CEP290: variants seen among roughly 807,000 people sequenced by gnomAD.
The protein encoded by CEP290 is centrosomal protein of 290 kDa.
In CEP290, 317 loss-of-function variants were observed where a neutral mutation model predicts 344.9. The ratio of observed to expected loss-of-function variants is 0.92; its 90% CI spans 0.84 to 1.01. CEP290 has a LOEUF of 1.01. Ranked by LOEUF, CEP290 falls within the 50% of genes least tolerant of loss-of-function variation. CEP290 has a pLI of 0.00. For missense variants in CEP290, 2,754 were observed against 2,761.4 expected, an observed-to-expected ratio of 1.00 and a Z score of 0.06; for synonymous variants, 932 against 895.8, an observed-to-expected ratio of 1.04 and a Z score of -0.72.
intron 26 of CEP290, among the ~76,000 whole-genome samples, chr12:88,098,805 C>T (rs995063392): frequency 6.6e-6 from 1 of 151,972 alleles, no homozygotes; most frequent in Non-Finnish European, 1.5e-5. Flanking sequence ...ATTTGGAATA[C>T]TATAAGATCT....
chr12:88,130,073 T>C (rs1374530803), intron 9 of CEP290, among the ~76,000 whole-genome samples, 195 bp downstream of exon 9: 1 of 152,024 alleles, frequency 6.6e-6, no homozygotes, highest in African/African-American at 2.4e-5. Flanking sequence ...TTGTTCTTAA[T>C]GACCAAGACA....
At position 88,090,772 on chromosome 12, in the gene CEP290, C is replaced by G. The variant is rs1030787885; in HGVS notation, c.3529G>C (p.Asp1177His). The G allele has an allele frequency of 1.7e-5, 26 of 1,563,198 alleles. No individual in the cohort carries two copies. The highest frequency in any genetic ancestry group is 2.3e-5 in the Non-Finnish European group (26 of 1,151,720). The part of the protein sequence containing the change: ...EILNAQQQSR[D>H]KEVESLRMQL... ...ATTCTGAGGGACTCTACTTCCTTGT[C>G]CCTAGATTGTTGTTGTGCATTCAAA... Residue 1177 changes from aspartate to histidine, a missense_variant, in exon 30 of 54, where the codon GAC (aspartate) becomes CAC (histidine). By Grantham distance (81) the Asp-to-His change is moderately conservative. Transcript: ENST00000552810.
At chr12:88,134,492 T>A (rs912865865) in intron 6 of CEP290, among the ~76,000 whole-genome samples, 14 of 152,208 alleles carry the variant, frequency 9.2e-5, no homozygotes, top group African/African-American at 3.4e-4. Flanking sequence ...CTGGCTCCTT[T>A]CAGGAAAAGA....
intron 44 of CEP290, among the ~76,000 whole-genome samples, chr12:88,066,047 A>C (rs756880476): frequency 2.6e-5 from 4 of 152,162 alleles, no homozygotes; most frequent in Non-Finnish European, 5.9e-5. Context: ...ACTCTTATTT[A>C]TTAGCATGTG....
intron 49 of CEP290, chr12:88,058,430 T>C (rs761202438): frequency 3.1e-4 from 61 of 197,944 alleles, no homozygotes; most frequent in Non-Finnish European, 4.7e-4. Context: ...ATGCCACACA[T>C]TGTGACAAGA....
At chr12:88,116,041 G>C in intron 18 of CEP290, 1 of 985,308 alleles carries the variant, frequency 1.0e-6, no homozygotes, top group Non-Finnish European at 1.2e-6. Context: ...TCATGAATTT[G>C]TTGACAAAAT....
intron 41 of CEP290, among the ~76,000 whole-genome samples, chr12:88,075,987 C>T (rs1033486853): frequency 6.6e-6 from 1 of 152,158 alleles, no homozygotes; most frequent in African/African-American, 2.4e-5. Flanking sequence ...ACTAAATAAA[C>T]TGTAGCATAG....
At chr12:88,120,322 A>G (rs1298584789) in intron 14 of CEP290, 46 bp from the exon 15 acceptor site, 3 of 980,264 alleles carry the variant, frequency 3.1e-6, no homozygotes, top group Non-Finnish European at 4.2e-6. Flanking sequence ...GGTTTACTTG[A>G]ATAAATTTAT....
intron 52 of CEP290, among the ~76,000 whole-genome samples, chr12:88,052,261 T>A (rs2033614337): frequency 6.6e-6 from 1 of 152,118 alleles, no homozygotes; most frequent in Admixed American, 6.5e-5. Context: ...TATCATCCTA[T>A]CACAATGGCA....
At position 88,050,400 on chromosome 12, in the gene CEP290, A is replaced by C. The variant is rs1592708469; in HGVS notation, c.7163T>G (p.Leu2388Arg). The C allele has an allele frequency of 6.4e-7, 1 of 1,564,042 alleles. No homozygotes were observed. The highest frequency in any genetic ancestry group is 1.2e-5 in the South Asian group (1 of 85,782). Residue 2388 changes from leucine to arginine, a missense_variant, in exon 53 of 54, where the codon CTA becomes CGA. By Grantham distance (102) the Leu-to-Arg change is moderately radical. Coordinates refer to ENST00000552810, the MANE Select transcript of CEP290 (RefSeq NM_025114.4). ...ADQLKEKIKD[L>R]ETQLKMSDLE... ...ATCTGACATTTTGAGCTGTGTCTCT[A>C]GATCTTTTATTTTTTCCTTTAGTTG...
intron 18 of CEP290, chr12:88,115,556 T>C (rs1473601173): frequency 2.3e-6 from 3 of 1,290,728 alleles, no homozygotes; most frequent in South Asian, 1.2e-5. Flanking sequence ...AGAATTCCTG[T>C]GCTATGATTT....
chr12:88,080,177 C>A lies in CEP290; in HGVS notation c.5226+5G>T. 2 of 1,573,454 alleles carry A rather than the reference C, an allele frequency of 1.3e-6. No homozygotes were observed. The highest frequency in any genetic ancestry group is 1.8e-5 in the Admixed American group (1 of 54,360). ...AAATGTTGATAATTTTCTGTTGTTA[C>A]TTACTTTCTGTTGTTTCTCCTTCAA... On this transcript the variant is annotated splice_donor_5th_base_variant and intron_variant, in intron 38 of 53. Transcript: ENST00000552810.
chr12:88,058,526 A>G (rs2034196936), intron 49 of CEP290: 1 of 295,118 alleles, frequency 3.4e-6, no homozygotes, highest in Admixed American at 5.3e-5. Context: ...AATAGCACCC[A>G]GGAGAAGCTG....
chr12:88,114,757 T>G (rs1349435333), intron 19 of CEP290, among the ~76,000 whole-genome samples, 195 bp from the exon 20 acceptor site: 2 of 152,152 alleles, frequency 1.3e-5, no homozygotes, highest in Non-Finnish European at 2.9e-5. Context: ...TTATATCACG[T>G]GCATATACAC....
At chr12:88,063,936 G>GGA in intron 45 of CEP290, 45 bp downstream of exon 45, 1 of 1,486,062 alleles carries the variant, frequency 6.7e-7, no homozygotes, top group South Asian at 1.3e-5. Flanking sequence ...AACTAAGGAA[G>GGA]GAGTTTTAGG....
intron 20 of CEP290, 36 bp downstream of exon 20, chr12:88,114,384 T>C (rs781484060): frequency 1.3e-6 from 2 of 1,498,324 alleles, no homozygotes; most frequent in Non-Finnish European, 1.8e-6. Flanking sequence ...TCTAAAGTGA[T>C]AGGGGAAAAA....
intron 48 of CEP290, among the ~76,000 whole-genome samples, chr12:88,059,414 T>G (rs1219436732): frequency 1.3e-5 from 2 of 152,178 alleles, no homozygotes; most frequent in African/African-American, 2.4e-5. Flanking sequence ...CATTTCTTTT[T>G]TTTGTTTGTT....
rs201767863 is a variant in CEP290 at position 88,078,971 on chromosome 12, A to G, written c.5364+121T>C. ...AAAATGCATGTGTGTGTCTATGTCT[A>G]GCCACCAACAGTGCATTATAAATTC... On this transcript the variant is annotated intron_variant, in intron 39 of 53. Coordinates refer to ENST00000552810, the MANE Select transcript of CEP290 (RefSeq NM_025114.4). The G allele has an allele frequency of 1.2e-4, 83 of 717,338 alleles. 2 individuals carry two copies. In the East Asian group the frequency reaches 2.7e-3, roughly 23 times the overall value. 44.4% of individuals were successfully genotyped at this position (717,338 alleles called of 1,614,324 possible). A position where few individuals can be genotyped will look rare whatever the true frequency, so the allele number is the denominator to read the frequency against.
intron 48 of CEP290, among the ~76,000 whole-genome samples, chr12:88,059,470 C>A (rs1000529410): frequency 6.6e-6 from 1 of 151,962 alleles, no homozygotes; most frequent in Non-Finnish European, 1.5e-5. Context: ...TGTAGTGGTG[C>A]GATCTCGGCT....
Sources: gnomAD v4.1 joint callset for allele counts (sites outside exome capture counted in the v4.1 genomes callset) on GRCh38, gnomAD v4.1.1 for gene constraint, MANE v1.5 for transcripts, NCBI Gene and HGNC (gene_info 2026-07-23, HGNC 2026-07-21) for gene names.